The following CTNNA2 variants were observed in gnomAD, a reference collection of about 807,000 sequenced individuals.
The protein encoded by CTNNA2 is catenin alpha-2.
Under a neutral mutation model 101.0 loss-of-function variants are expected in CTNNA2, and 42 were observed. The observed-to-expected ratio is 0.42, with a 90% CI of 0.32 to 0.54. CTNNA2 has a LOEUF of 0.54. Among genes scored for constraint, CTNNA2 ranks in the 20% least tolerant of loss-of-function variants. The pLI is 0.14. For synonymous variants in CTNNA2, 450 were observed against 456.4 expected (o/e 0.99, Z 0.18); for missense variants, 871 against 1,223.1 (o/e 0.71, Z 4.29).
Position 79,951,491 on chromosome 2 carries a change from C to T in CTNNA2, c.1056+41694C>T, listed in dbSNP as rs1037161704. On this transcript the variant is annotated intron_variant, in intron 7 of 18. Coordinates refer to ENST00000402739, the MANE Select transcript of CTNNA2 (RefSeq NM_001282597.3). Reference sequence around the variant, plus strand: ...GACCAGCCTGGCCAGCATGGTGAAACCCCATCTCTACTAAAAATACAAAAA... The same window carrying T: ...GACCAGCCTGGCCAGCATGGTGAAATCCCATCTCTACTAAAAATACAAAAA... Among the ~76,000 whole-genome samples the T allele has an allele frequency of 1.0e-3, 152 of 152,048 alleles. 3 individuals carry two copies. Among genetic ancestry groups the T allele is most frequent in the African/African-American group, 3.5e-3 (146 of 41,460 alleles).
chr2:80,351,524 G>A (rs559481199), intron 7 of CTNNA2, among the ~76,000 whole-genome samples: 72 of 152,220 alleles, frequency 4.7e-4, no homozygotes, highest in African/African-American at 1.7e-3. Context: ...AATGCTGCCC[G>A]ATTGGTGAAT....
chr2:80,545,982 G>A lies in CTNNA2; in HGVS notation c.1459G>A (p.Asp487Asn). The A allele has an allele frequency of 1.2e-6, 2 of 1,614,116 alleles. No homozygotes were observed. Among genetic ancestry groups the A allele is most frequent in the Non-Finnish European group, 1.7e-6 (2 of 1,180,010 alleles). The change falls in exon 11 of 19, where the codon GAC (aspartate) becomes AAC (asparagine). Residue 487 changes from aspartate (D) to asparagine (N), a missense_variant. Around this residue, in one of 5 missense-constraint regions of CTNNA2, gnomAD observed 647 missense variants for 831.5 expected, o/e 0.78. Transcript: ENST00000402739. The stretch of plus-strand genomic sequence containing the variant: ...TCAGGATAACATGGACGTCTTCAAA[G>A]ACCAGTGGGAGAAGCAGGTCCGAGT... ...VAQDNMDVFK[D>N]QWEKQVRVLT...
intron 3 of CTNNA2, among the ~76,000 whole-genome samples, chr2:79,323,932 T>C (rs905512864): frequency 6.6e-6 from 1 of 152,174 alleles, no homozygotes; most frequent in Non-Finnish European, 1.5e-5. Context: ...AAATCAGCAT[T>C]TAAGAAGGAA....
intron 15 of CTNNA2, among the ~76,000 whole-genome samples, chr2:80,591,457 G>GTTTTTTTTTTGTTTTTTTTT (rs1696489265): frequency 1.4e-5 from 1 of 70,314 alleles, no homozygotes; most frequent in Non-Finnish European, 3.0e-5. Flanking sequence ...TGCACAGCCT[G>GTTTTTTTTTTGTTTTTTTTT]TTTTTTTTTT....
intron 1 of CTNNA2, among the ~76,000 whole-genome samples, chr2:79,570,661 CTTTAGAA>C (rs753195866): frequency 3.9e-5 from 6 of 151,932 alleles, no homozygotes; most frequent in Admixed American, 1.3e-4. Flanking sequence ...GAAAACTATA[CTTTAGAA>C]TAACATTTAG....
intron 7 of CTNNA2, among the ~76,000 whole-genome samples, chr2:80,175,708 G>A (rs1183632120): frequency 4.6e-5 from 7 of 152,202 alleles, no homozygotes; most frequent in African/African-American, 9.7e-5. Context: ...CCCACGATAG[G>A]CTGTCTGCAA....
chr2:79,878,316 C>T (rs1261539733), intron 6 of CTNNA2, among the ~76,000 whole-genome samples: 1 of 152,062 alleles, frequency 6.6e-6, no homozygotes, highest in African/African-American at 2.4e-5. Context: ...ACTTATATTC[C>T]TTTGTGTATA....
chr2:79,649,767 T>C (rs1371036023), intron 1 of CTNNA2, among the ~76,000 whole-genome samples: 1 of 152,186 alleles, frequency 6.6e-6, no homozygotes, highest in Non-Finnish European at 1.5e-5. Flanking sequence ...GCTTAGTTTA[T>C]TTAAAACATG....
intron 2 of CTNNA2, among the ~76,000 whole-genome samples, chr2:79,708,590 T>G (rs189541155): frequency 1.9e-3 from 293 of 152,318 alleles, no homozygotes; most frequent in African/African-American, 6.7e-3. Context: ...TTCATAAAAT[T>G]GTACATACCT....
chr2:79,613,177 AC>A (rs200568660), intron 1 of CTNNA2, among the ~76,000 whole-genome samples: 2,233 of 151,530 alleles, frequency 0.015, 32 homozygotes, highest in Middle Eastern at 0.031. Context: ...AAAAAAAAAA[AC>A]GATGTTTGTT....
intron 7 of CTNNA2, among the ~76,000 whole-genome samples, chr2:80,347,637 C>G (rs993235237): frequency 2.6e-5 from 4 of 152,042 alleles, no homozygotes; most frequent in African/African-American, 9.7e-5. Flanking sequence ...AAGCAACAAA[C>G]TGTATCTGAC....
intron 3 of CTNNA2, among the ~76,000 whole-genome samples, chr2:79,840,377 C>G (rs1249274038): frequency 6.6e-6 from 1 of 152,216 alleles, no homozygotes; most frequent in Non-Finnish European, 1.5e-5. Flanking sequence ...GTTATTAACT[C>G]TAAAGTTACC....
intron 2 of CTNNA2, among the ~76,000 whole-genome samples, chr2:79,675,584 C>A (rs1683129089): frequency 6.6e-6 from 1 of 152,114 alleles, no homozygotes; most frequent in African/African-American, 2.4e-5. Flanking sequence ...ATTTTATTTT[C>A]TAATTATTTT....
chr2:79,242,271 T>TGATTGGTA, intron 2 of CTNNA2, among the ~76,000 whole-genome samples: 1 of 152,182 alleles, frequency 6.6e-6, no homozygotes, highest in Non-Finnish European at 1.5e-5. Context: ...TAAAAACATC[T>TGATTGGTA]GATTGGTACT....
chr2:79,375,658 T>A (rs1677962734), intron 4 of CTNNA2, among the ~76,000 whole-genome samples: 1 of 152,156 alleles, frequency 6.6e-6, no homozygotes. Context: ...TAAAGAAAGA[T>A]GTTTAAGGTA....
At chr2:80,275,482 A>G (rs2149147319) in intron 7 of CTNNA2, among the ~76,000 whole-genome samples, 1 of 152,276 alleles carries the variant, frequency 6.6e-6, no homozygotes, top group East Asian at 1.9e-4. Context: ...TTTTTTTATT[A>G]TTGCAGTAGA....
chr2:79,442,303 A>G (rs566300507), intron 4 of CTNNA2, among the ~76,000 whole-genome samples: 3 of 152,284 alleles, frequency 2.0e-5, no homozygotes, highest in African/African-American at 7.2e-5. Flanking sequence ...TCTATTTTTC[A>G]TTAAGTACTT....
chr2:79,863,085 A>T (rs2103980013), intron 4 of CTNNA2, among the ~76,000 whole-genome samples: 1 of 152,204 alleles, frequency 6.6e-6, no homozygotes, highest in South Asian at 2.1e-4. Flanking sequence ...AGGTTGCATG[A>T]TCCTAGACTA....
intron 2 of CTNNA2, among the ~76,000 whole-genome samples, chr2:79,729,608 G>A (rs903063282): frequency 1.3e-5 from 2 of 152,078 alleles, no homozygotes; most frequent in Admixed American, 1.3e-4. Flanking sequence ...CTTTTTTTGT[G>A]TGAATTGTCC....
Sources: allele counts gnomAD v4.1 joint callset (sites outside exome capture counted in the v4.1 genomes callset), GRCh38; gene constraint gnomAD v4.1.1; regional missense constraint gnomAD v4.1.1; transcripts MANE v1.5; gene names NCBI Gene and HGNC (gene_info 2026-07-23, HGNC 2026-07-21).